The following PCNX2 variants were observed in gnomAD, a reference collection of about 807,000 sequenced individuals.
PCNX2 encodes pecanex-like protein 2.
PCNX2 carries 168 observed loss-of-function variants against 223.8 expected under a neutral mutation model. The ratio of observed to expected loss-of-function variants is 0.75; its 90% CI spans 0.66 to 0.85. The LOEUF (loss-of-function observed/expected upper bound fraction) is 0.85, where lower values mean the gene tolerates loss of function less well. Ranked by LOEUF, PCNX2 falls within the 40% of genes least tolerant of loss-of-function variation. The probability of loss-of-function intolerance (pLI) is 0.00; values close to 1 mark genes in which losing one functional copy is unlikely to be tolerated. For missense variants in PCNX2, 2,507 were observed against 2,675.5 expected, an observed-to-expected ratio of 0.94 and a Z score of 1.39; for synonymous variants, 1,006 against 1,052.6, an observed-to-expected ratio of 0.96 and a Z score of 0.86.
chr1:233,270,097 T>C (rs575642234), intron 1 of PCNX2, among the ~76,000 whole-genome samples: 2 of 152,296 alleles, frequency 1.3e-5, no homozygotes, highest in South Asian at 2.1e-4. Context: ...CACAGGTAAA[T>C]GTTAGTATCT....
chr1:233,102,329 T>C (rs1276418963), intron 21 of PCNX2, among the ~76,000 whole-genome samples: 2 of 152,216 alleles, frequency 1.3e-5, no homozygotes, highest in East Asian at 3.8e-4. Context: ...TGAATAGTGC[T>C]ATCATAAACA....
rs138374116 is a variant in PCNX2 at position 233,126,665 on chromosome 1, T to G, written c.3837+8348A>C. ...ACTTTTTTTGTATTTTCCATTGCTT[T>G]TCTAATTTTATCATGATAAGAATAT... On this transcript the variant is annotated intron_variant, in intron 21 of 33. Coordinates refer to ENST00000258229, the MANE Select transcript of PCNX2 (RefSeq NM_014801.4). This position sits in a 1 kb window ranked among gnomAD's most constrained non-coding sequence, Gnocchi z 4.8. Among the ~76,000 whole-genome samples the G allele has an allele frequency of 1.3e-5, 2 of 152,288 alleles. No individual in the cohort carries two copies. The highest frequency in any genetic ancestry group is 3.9e-4 in the East Asian group (2 of 5,188).
At chr1:233,131,021 T>C (rs1676473589) in intron 21 of PCNX2, among the ~76,000 whole-genome samples, 1 of 152,162 alleles carries the variant, frequency 6.6e-6, no homozygotes, top group Non-Finnish European at 1.5e-5. Context: ...CCCAAAGGAT[T>C]AGAGGCAACC....
At chr1:233,044,117 G>A (rs902781393) in intron 25 of PCNX2, among the ~76,000 whole-genome samples, 1 of 152,174 alleles carries the variant, frequency 6.6e-6, no homozygotes, top group South Asian at 2.1e-4. Context: ...GTGTGAGACG[G>A]TATCTCATTG....
intron 25 of PCNX2, among the ~76,000 whole-genome samples, chr1:233,028,904 T>C (rs1204851839): frequency 1.3e-5 from 2 of 150,730 alleles, no homozygotes; most frequent in Non-Finnish European, 3.0e-5. Flanking sequence ...AATGGTGTGA[T>C]CTCAGCTCAC....
intron 8 of PCNX2, among the ~76,000 whole-genome samples, chr1:233,248,284 C>T (rs1307732240): frequency 6.6e-6 from 1 of 151,964 alleles, no homozygotes; most frequent in Admixed American, 6.6e-5. Flanking sequence ...CTTCCAGTCT[C>T]GGGGGAACCT....
At chr1:233,168,830 G>A (rs1412759137) in intron 17 of PCNX2, among the ~76,000 whole-genome samples, 1 of 151,988 alleles carries the variant, frequency 6.6e-6, no homozygotes, top group Non-Finnish European at 1.5e-5. Context: ...TGATGTCTAA[G>A]AGATTTCATC....
upstream of PCNX2, among the ~76,000 whole-genome samples, chr1:233,298,743 G>C (rs1294346): frequency 0.66 from 100,036 of 151,762 alleles, 33,267 homozygotes; most frequent in East Asian, 0.72. Context: ...ACAAAAATGA[G>C]CCGGGTGTGG....
In PCNX2 at chr1:233,000,280, G is replaced by A. The variant is rs375535866; in HGVS notation, c.5328+25C>T. The A allele has an allele frequency of 1.2e-6, 2 of 1,605,614 alleles. No individual in the cohort carries two copies. Among genetic ancestry groups the A allele is most frequent in the East Asian group, 2.2e-5 (1 of 44,834 alleles). On this transcript the variant is annotated intron_variant, in intron 30 of 33. Coordinates refer to ENST00000258229, the MANE Select transcript of PCNX2 (RefSeq NM_014801.4). This position sits in a 1 kb window ranked among gnomAD's most constrained non-coding sequence, Gnocchi z 4.6. ...GATAGAGAGACACGAGCCAACAGGG[G>A]ACCCAGAAAGTGTGGCCGCCATACC...
At position 233,160,413 on chromosome 1, in the gene PCNX2, C is replaced by G. The variant is rs79899569; in HGVS notation, c.3387G>C (p.Leu1129=). The change falls in exon 19 of 34, where the codon CTG becomes CTC. Residue 1129 remains leucine, a synonymous_variant. Coordinates refer to ENST00000258229, the MANE Select transcript of PCNX2 (RefSeq NM_014801.4). The part of the protein sequence containing the change: ...LSLRPFLSIV[L]FALAGAVGFV... ...ACCCCACGGCTCCAGCCAAGGCAAA[C>G]AGCACGATGCTGAGAAATGGCTGCG... 1 of 1,613,738 alleles carries G rather than the reference C, an allele frequency of 6.2e-7. No homozygotes were observed.
intron 33 of PCNX2, chr1:232,985,736 C>A (rs1185483003): frequency 1.3e-5 from 7 of 546,996 alleles, no homozygotes; most frequent in Non-Finnish European, 1.9e-5. Context: ...CTCCCTCAGG[C>A]CAGAATCATG....
At chr1:233,203,377 G>T (rs1053044792) in intron 13 of PCNX2, among the ~76,000 whole-genome samples, 1 of 152,136 alleles carries the variant, frequency 6.6e-6, no homozygotes, top group Non-Finnish European at 1.5e-5. Flanking sequence ...ACTGAGCACA[G>T]GAAATGAGTG....
chr1:233,062,113 G>C (rs1452238671), intron 23 of PCNX2, among the ~76,000 whole-genome samples: 1 of 152,098 alleles, frequency 6.6e-6, no homozygotes, highest in Admixed American at 6.5e-5. Context: ...GGGAAAATTG[G>C]TTGTAAACAC....
intron 21 of PCNX2, 155 bp downstream of exon 21, chr1:233,134,858 C>T (rs1676716630): frequency 1.5e-6 from 1 of 669,028 alleles, no homozygotes; most frequent in Non-Finnish European, 2.5e-6. Flanking sequence ...GCAGTTTTCC[C>T]CAAATGGTAG....
intron 9 of PCNX2, among the ~76,000 whole-genome samples, chr1:233,230,407 G>GA (rs904083498): frequency 1.3e-5 from 2 of 151,680 alleles, no homozygotes; most frequent in Non-Finnish European, 2.9e-5. Context: ...TCTAAATAAT[G>GA]AAAAAAAATG....
At chr1:233,142,127 G>T (rs1677167060) in intron 19 of PCNX2, among the ~76,000 whole-genome samples, 2 of 152,094 alleles carry the variant, frequency 1.3e-5, no homozygotes, top group South Asian at 4.1e-4. Flanking sequence ...AGTAGATTTG[G>T]AAATGTGTTA....
intron 8 of PCNX2, among the ~76,000 whole-genome samples, chr1:233,239,966 C>T (rs1395664512): frequency 6.6e-6 from 1 of 152,114 alleles, no homozygotes; most frequent in Admixed American, 6.6e-5. Flanking sequence ...GTTGAGTATT[C>T]CAGACAAGGC....
In PCNX2 at chr1:233,091,047, T is replaced by C. The variant is rs904632354; in HGVS notation, c.3947-857A>G. On this transcript the variant is annotated intron_variant, in intron 22 of 33. Coordinates refer to ENST00000258229, the MANE Select transcript of PCNX2 (RefSeq NM_014801.4). ...AGCTGCCAATCACTCACCATCATTG[T>C]GGTGCAGAGGTTCTGTGGGGCCTGT... 3.9e-5 allele frequency among the ~76,000 whole-genome samples: 6 copies of C among 152,288 alleles called. No individual in the cohort carries two copies. In the South Asian group the frequency reaches 8.3e-4, roughly 21 times the overall value.
intron 28 of PCNX2, among the ~76,000 whole-genome samples, chr1:233,012,024 G>A (rs1038202936): frequency 6.6e-6 from 1 of 152,056 alleles, no homozygotes; most frequent in Non-Finnish European, 1.5e-5. Context: ...TCTGGTTAGT[G>A]TCAGAAGTGA....
Sources: allele counts gnomAD v4.1 joint callset (sites outside exome capture counted in the v4.1 genomes callset), GRCh38; gene constraint gnomAD v4.1.1; non-coding constraint Gnocchi (gnomAD v3.1); transcripts MANE v1.5; gene names NCBI Gene and HGNC (gene_info 2026-07-23, HGNC 2026-07-21).